HDAC4: variants seen among roughly 807,000 people sequenced by gnomAD.
HDAC4 encodes the protein histone deacetylase 4.
In HDAC4, 16 loss-of-function variants were observed where a neutral mutation model predicts 135.1. That is an observed-to-expected ratio of 0.12 (90% CI 0.08 to 0.18). HDAC4 has a LOEUF of 0.18. Among genes scored for constraint, HDAC4 ranks in the 10% least tolerant of loss-of-function variants. HDAC4 has a pLI of 1.00. For synonymous variants in HDAC4, 685 were observed against 653.4 expected (o/e 1.05, Z -0.74); for missense variants, 1,143 against 1,511.8 (o/e 0.76, Z 4.05).
chr2:239,208,326 C>CAAAAAAAAAAAAAAAAA (rs759398313), intron 3 of HDAC4, among the ~76,000 whole-genome samples: 24 of 68,210 alleles, frequency 3.5e-4, no homozygotes, highest in East Asian at 8.4e-4. Flanking sequence ...GACTCCGTCC[C>CAAAAAAAAAAAAAAAAA]AAAAAAAAAA....
At position 239,303,889 on chromosome 2, in the gene HDAC4, T is replaced by C. The variant is rs1014107191; in HGVS notation, c.22+48789A>G. On this transcript the variant is annotated intron_variant, in intron 2 of 26. Transcript: ENST00000543185. The surrounding 1 kb of genome is among the most constrained non-coding windows in gnomAD (Gnocchi z 5.1). ...CACCAGACCCTACAGGCCTGCCCCGTGGCCCTGGGAATGCTTGGCACCAAG... is the reference window on the plus strand; with the variant it reads ...CACCAGACCCTACAGGCCTGCCCCGCGGCCCTGGGAATGCTTGGCACCAAG... 1.2e-4 allele frequency among the ~76,000 whole-genome samples: 18 copies of C among 152,184 alleles called. No homozygotes were observed. Among genetic ancestry groups the C allele is most frequent in the Admixed American group, 6.5e-5 (1 of 15,280 alleles).
At chr2:239,247,866 A>G (rs1352317870) in intron 2 of HDAC4, among the ~76,000 whole-genome samples, 1 of 152,160 alleles carries the variant, frequency 6.6e-6, no homozygotes, top group Non-Finnish European at 1.5e-5. Flanking sequence ...ACCACAGTGG[A>G]CCACACCCTC....
intron 2 of HDAC4, among the ~76,000 whole-genome samples, chr2:239,283,363 G>T (rs751124548): frequency 6.6e-6 from 1 of 152,226 alleles, no homozygotes; most frequent in African/African-American, 2.4e-5. Context: ...CGGGCCTGAG[G>T]TACAGGAGCT....
chr2:239,365,777 G>A lies in HDAC4; in HGVS notation c.-219-12859C>T, dbSNP rs553909581. Among the ~76,000 whole-genome samples, 25 of 151,830 alleles carry A rather than the reference G, an allele frequency of 1.6e-4. No homozygotes were observed. The South Asian group carries it at 3.1e-3, about 19-fold the overall frequency. ...GGCACTGGGGGACACACACAGACAC[G>A]CATGCACAGACCAGGGTCGTCAGGG... On this transcript the variant is annotated intron_variant, in intron 1 of 26. Transcript: ENST00000543185.
In HDAC4 at chr2:239,159,158, C is replaced by T. The variant is rs138867673; in HGVS notation, c.612-2385G>A. ...CAGCTCACCCAACTACTCACACCTG[C>T]ACCTCACTACTACTCGCCCCCAATT... On this transcript the variant is annotated intron_variant, in intron 6 of 26. Transcript: ENST00000543185. 5.4e-4 allele frequency among the ~76,000 whole-genome samples: 81 copies of T among 151,046 alleles called. No homozygotes were observed. The East Asian group carries it at 0.015, about 27-fold the overall frequency.
intron 3 of HDAC4, among the ~76,000 whole-genome samples, chr2:239,222,816 C>T (rs140078175): frequency 4.6e-5 from 7 of 152,306 alleles, no homozygotes; most frequent in Non-Finnish European, 1.0e-4. Context: ...GTCCTCACAG[C>T]CCCCTGAAGC....
intron 2 of HDAC4, among the ~76,000 whole-genome samples, chr2:239,239,758 C>T: frequency 6.6e-6 from 1 of 152,190 alleles, no homozygotes; most frequent in Non-Finnish European, 1.5e-5. Flanking sequence ...TGTAGAATGA[C>T]ATGGAAATGC....
intron 12 of HDAC4, among the ~76,000 whole-genome samples, chr2:239,122,161 A>G (rs2039750711): frequency 6.6e-6 from 1 of 152,230 alleles, no homozygotes; most frequent in Non-Finnish European, 1.5e-5. Flanking sequence ...TATGAGTCCA[A>G]GTTTTCATAT....
chr2:239,384,894 C>G (rs1207848676), intron 1 of HDAC4, among the ~76,000 whole-genome samples: 1 of 152,198 alleles, frequency 6.6e-6, no homozygotes, highest in Non-Finnish European at 1.5e-5. Context: ...GAGACACAGG[C>G]AGGACCTGAG....
chr2:239,203,535 G>A lies in HDAC4; in HGVS notation c.95-13458C>T, dbSNP rs3791590. Among the ~76,000 whole-genome samples, 25 of 152,232 alleles carry A rather than the reference G, an allele frequency of 1.6e-4. No homozygotes were observed. The East Asian group carries it at 3.7e-3, about 22-fold the overall frequency. ...TAACCAGTATGAGTCCTGTGGTCTCGAAGCTGAACCGCTTTAACTGAAACA... is the reference window on the plus strand; with the variant it reads ...TAACCAGTATGAGTCCTGTGGTCTCAAAGCTGAACCGCTTTAACTGAAACA... On this transcript the variant is annotated intron_variant, in intron 3 of 26. Transcript: ENST00000543185.
intron 3 of HDAC4, among the ~76,000 whole-genome samples, chr2:239,219,277 T>C (rs978539426): frequency 3.3e-5 from 5 of 151,964 alleles, no homozygotes; most frequent in Admixed American, 6.6e-5. Context: ...CACCATGGAA[T>C]ACTATGCAGC....
chr2:239,252,384 A>G (rs531796991), intron 2 of HDAC4, among the ~76,000 whole-genome samples: 1 of 152,214 alleles, frequency 6.6e-6, no homozygotes. Flanking sequence ...CAGATAGCCT[A>G]TGCCATGGAC....
rs768112028 is a variant in HDAC4, at chr2:239,115,004, G to C, written c.1791+49C>G. The C allele has an allele frequency of 8.1e-6, 13 of 1,599,862 alleles. No homozygotes were observed. In the Admixed American group the frequency reaches 1.0e-4, roughly 12 times the overall value. ...ACAGAAGATGCCACCTGGGGACCGA[G>C]GGTGGCTGTGCGTGCCAGCCTTCTG... is the stretch of plus-strand genomic sequence containing the variant. On this transcript the variant is annotated intron_variant, in intron 13 of 26. Coordinates refer to ENST00000543185, the MANE Select transcript of HDAC4 (RefSeq NM_001378414.1). The surrounding 1 kb of genome is among the most constrained non-coding windows in gnomAD (Gnocchi z 6.3).
Position 239,303,693 on chromosome 2 carries a change from G to T in HDAC4, c.22+48985C>A, listed in dbSNP as rs1395571337. Among the ~76,000 whole-genome samples, 1 of 151,538 alleles carries T rather than the reference G, an allele frequency of 6.6e-6. No individual in the cohort carries two copies. Among genetic ancestry groups the T allele is most frequent in the Non-Finnish European group, 1.5e-5 (1 of 67,918 alleles). ...AGCCCTGATGCTGTCCATGTTTTTT[G>T]TAAAACTTGCTCACTTGTAAACAAC... is the stretch of plus-strand genomic sequence containing the variant. On this transcript the variant is annotated intron_variant, in intron 2 of 26. Transcript: ENST00000543185. The surrounding 1 kb of genome is among the most constrained non-coding windows in gnomAD (Gnocchi z 5.1).
intron 2 of HDAC4, among the ~76,000 whole-genome samples, chr2:239,281,511 A>C (rs1559322579): frequency 6.8e-6 from 1 of 147,222 alleles, no homozygotes; most frequent in Non-Finnish European, 1.5e-5. Context: ...CCATGCTACA[A>C]TGAACACACC....
At chr2:239,388,896 T>C (rs1696010897) in intron 1 of HDAC4, among the ~76,000 whole-genome samples, 2 of 152,124 alleles carry the variant, frequency 1.3e-5, no homozygotes, top group Admixed American at 1.3e-4. Context: ...GGGCCCCGGG[T>C]TTTCCCAGGA....
intron 6 of HDAC4, among the ~76,000 whole-genome samples, chr2:239,160,466 C>T (rs1471526315): frequency 6.6e-6 from 1 of 152,230 alleles, no homozygotes; most frequent in Non-Finnish European, 1.5e-5. Context: ...GAGTCCACGC[C>T]CTGATGAAGC....
At chr2:239,291,699 C>T (rs531225860) in intron 2 of HDAC4, among the ~76,000 whole-genome samples, 1 of 152,302 alleles carries the variant, frequency 6.6e-6, no homozygotes, top group East Asian at 1.9e-4. Flanking sequence ...TACTTACAGC[C>T]CTAGCTGGCA....
intron 5 of HDAC4, among the ~76,000 whole-genome samples, chr2:239,164,315 T>C (rs1005825499): frequency 1.3e-5 from 2 of 152,204 alleles, no homozygotes; most frequent in African/African-American, 4.8e-5. Context: ...TTTGTGCAAA[T>C]GGATGCATCA....
Sources: allele counts gnomAD v4.1 joint callset (sites outside exome capture counted in the v4.1 genomes callset), GRCh38; gene constraint gnomAD v4.1.1; non-coding constraint Gnocchi (gnomAD v3.1); transcripts MANE v1.5; gene names NCBI Gene and HGNC (gene_info 2026-07-23, HGNC 2026-07-21).